The following DNAL1 variants were observed in gnomAD, a reference collection of about 807,000 sequenced individuals.
The protein encoded by DNAL1 is dynein axonemal light chain 1, also known as chromosome 14 open reading frame 168.
A neutral mutation model predicts 29.4 loss-of-function variants in DNAL1; 17 were observed. The ratio of observed to expected loss-of-function variants is 0.58; its 90% CI spans 0.40 to 0.87. The LOEUF (loss-of-function observed/expected upper bound fraction) is 0.87. DNAL1 is among the 40% of genes least tolerant of loss of function. DNAL1 has a pLI of 0.00. For synonymous variants in DNAL1, 78 were observed against 76.3 expected (o/e 1.02, Z -0.12); for missense variants, 188 against 214.1 (o/e 0.88, Z 0.76).
At chr14:73,673,291 G>C (rs544745411) in intron 5 of DNAL1, among the ~76,000 whole-genome samples, 11 of 152,244 alleles carry the variant, frequency 7.2e-5, no homozygotes, top group African/African-American at 2.6e-4. Flanking sequence ...AGAACTTTTA[G>C]TGTCAATATA....
intron 1 of DNAL1, chr14:73,653,112 A>T (rs1374922018): frequency 5.3e-5 from 8 of 152,198 alleles, no homozygotes; most frequent in Non-Finnish European, 1.0e-4. Flanking sequence ...CTTCTCAGTC[A>T]GGTCTGTTTA....
intron 1 of DNAL1, among the ~76,000 whole-genome samples, chr14:73,646,622 C>T (rs987905160): frequency 6.6e-6 from 1 of 152,048 alleles, no homozygotes; most frequent in Non-Finnish European, 1.5e-5. Context: ...ATTAGCGGGG[C>T]ATGGTGGCGA....
intron 1 of DNAL1, among the ~76,000 whole-genome samples, chr14:73,648,087 T>C (rs1401003437): frequency 2.0e-5 from 3 of 151,892 alleles, no homozygotes; most frequent in Non-Finnish European, 2.9e-5. Context: ...AAGTGATTCT[T>C]CTGCTTCAGC....
intron 5 of DNAL1, among the ~76,000 whole-genome samples, chr14:73,679,484 TAAAC>T (rs1181946140): frequency 3.3e-5 from 5 of 151,774 alleles, no homozygotes; most frequent in South Asian, 2.1e-4. Flanking sequence ...GATAATTGGA[TAAAC>T]AAACAAAAAA....
At chr14:73,665,403 TTAA>T (rs1401464809) in intron 4 of DNAL1, among the ~76,000 whole-genome samples, 2 of 152,228 alleles carry the variant, frequency 1.3e-5, no homozygotes, top group Non-Finnish European at 2.9e-5. Flanking sequence ...AGTAACTTGC[TTAA>T]TAACTTGCTC....
intron 7 of DNAL1, among the ~76,000 whole-genome samples, chr14:73,692,407 G>A (rs1194351377): frequency 1.3e-5 from 2 of 151,802 alleles, no homozygotes; most frequent in East Asian, 2.0e-4. Context: ...ACTTGAACCC[G>A]GGAGGCAGAG....
intron 1 of DNAL1, among the ~76,000 whole-genome samples, chr14:73,647,307 G>A (rs923896917): frequency 5.4e-5 from 8 of 149,002 alleles, no homozygotes; most frequent in African/African-American, 1.7e-4. Flanking sequence ...GGAGCTTGCA[G>A]TGAGCTGAGA....
chr14:73,691,742 G>C (rs1208987258), intron 7 of DNAL1, among the ~76,000 whole-genome samples: 1 of 151,462 alleles, frequency 6.6e-6, no homozygotes, highest in East Asian at 2.0e-4. Flanking sequence ...TGCCCAGGCT[G>C]GAATACAATG....
At chr14:73,672,470 T>G (rs941499112) in intron 5 of DNAL1, among the ~76,000 whole-genome samples, 3 of 151,312 alleles carry the variant, frequency 2.0e-5, no homozygotes, top group African/African-American at 7.3e-5. Context: ...TAGCTGGGTG[T>G]GGTGGCGGGC....
rs1892391408 is a variant in DNAL1 at position 73,699,948 on chromosome 14, T to G, written c.*4006T>G. Reference sequence around the variant, plus strand: ...ATAATCTTGTAGGAAAGTTAGCTGATGTAGACATCAATTTTGGATGTGATC... The same window carrying G: ...ATAATCTTGTAGGAAAGTTAGCTGAGGTAGACATCAATTTTGGATGTGATC... On this transcript the variant is annotated 3_prime_UTR_variant, in exon 8 of 8. Transcript: ENST00000553645. 6.6e-6 allele frequency: 1 copy of G among 152,270 alleles called. No homozygotes were observed. Among genetic ancestry groups the G allele is most frequent in the Non-Finnish European group, 1.5e-5 (1 of 68,044 alleles). The allele number at this position is 152,270 out of a possible 1,614,324, so 9.4% of individuals were successfully genotyped here.
At chr14:73,681,605 CAAAAAAAAAAAAAAAA>C (rs71112792) in intron 5 of DNAL1, among the ~76,000 whole-genome samples, 134 of 52,872 alleles carry the variant, frequency 2.5e-3, no homozygotes, top group Non-Finnish European at 3.1e-3. Context: ...CCATCTCTAC[CAAAAAAAAAAAAAAAA>C]AAAAAAAAAA....
intron 5 of DNAL1, among the ~76,000 whole-genome samples, chr14:73,681,014 G>C (rs1264488046): frequency 1.3e-5 from 2 of 152,202 alleles, no homozygotes; most frequent in Non-Finnish European, 2.9e-5. Flanking sequence ...AGGACTGCAA[G>C]TTTTTCTGGA....
rs1191599646 is a variant in DNAL1, at chr14:73,698,269, A to G, written c.*2327A>G. The G allele has an allele frequency of 2.0e-5, 3 of 152,214 alleles. No individual in the cohort carries two copies. Among genetic ancestry groups the G allele is most frequent in the Admixed American group, 1.3e-4 (2 of 15,272 alleles). 9.4% of individuals were successfully genotyped at this position (152,214 alleles called of 1,614,324 possible). A position where few individuals can be genotyped will look rare whatever the true frequency, so the allele number is the denominator to read the frequency against. On this transcript the variant is annotated 3_prime_UTR_variant, in exon 8 of 8. Transcript: ENST00000553645. ...GTATCATTCAACAAATCTTTGAATG[A>G]CTTCTATGCATCCCTGTTCATGGAA...
At chr14:73,681,092 TTTGTTG>T (rs145987029) in intron 5 of DNAL1, among the ~76,000 whole-genome samples, 1 of 151,436 alleles carries the variant, frequency 6.6e-6, no homozygotes, top group Non-Finnish European at 1.5e-5. Context: ...CTGTAGATTT[TTTGTTG>T]TTGTTGTTAT....
intron 5 of DNAL1, among the ~76,000 whole-genome samples, chr14:73,681,633 A>AATATATATATATATATAT (rs71112793): frequency 2.5e-3 from 90 of 35,300 alleles, no homozygotes; most frequent in African/African-American, 5.9e-3. Context: ...AAAAAAAAAA[A>AATATATATATATATATAT]ATATATATAT....
chr14:73,645,370 T>C (rs570086986), intron 1 of DNAL1, among the ~76,000 whole-genome samples: 14 of 151,774 alleles, frequency 9.2e-5, no homozygotes, highest in Non-Finnish European at 1.8e-4. Context: ...GATAAAGATA[T>C]CTCTTTACAT....
intron 5 of DNAL1, among the ~76,000 whole-genome samples, chr14:73,681,025 T>C (rs182686820): frequency 8.4e-4 from 128 of 152,310 alleles, no homozygotes; most frequent in Middle Eastern, 3.4e-3. Flanking sequence ...TTTTTCTGGA[T>C]GAGTCAGTGA....
In DNAL1 at chr14:73,696,076, T is replaced by C. The variant is rs1892293594; in HGVS notation, c.*134T>C. ...AGATAAAACAGATCACTCATTCTCA[T>C]CTTTTTTTTTCCTTTAACTTATTCA... On this transcript the variant is annotated 3_prime_UTR_variant, in exon 8 of 8. Coordinates refer to ENST00000553645, the MANE Select transcript of DNAL1 (RefSeq NM_031427.4). 1.2e-6 allele frequency: 1 copy of C among 819,610 alleles called. No individual in the cohort carries two copies. The highest frequency in any genetic ancestry group is 2.0e-5 in the South Asian group (1 of 50,400). The allele number at this position is 819,610 out of a possible 1,614,324, so 50.8% of individuals were successfully genotyped here.
Position 73,654,864 on chromosome 14 carries a change from CAAAG to C in DNAL1, c.24_27del (p.Glu9ProfsTer2), listed in dbSNP as rs1566880045. ...TTTTAAAGGCGAAAGCAACAACAATCAAAGAAGCCTTAGCGAGATGGGTGAGTAC... is the reference window on the plus strand; with the variant it reads ...TTTTAAAGGCGAAAGCAACAACAATCAAGCCTTAGCGAGATGGGTGAGTAC... On this transcript the variant is annotated frameshift_variant, in exon 2 of 8. Coordinates refer to ENST00000553645, the MANE Select transcript of DNAL1 (RefSeq NM_031427.4). LOFTEE classifies it high-confidence loss of function. 9.2e-6 allele frequency: 14 copies of C among 1,528,464 alleles called. No individual in the cohort carries two copies. Among genetic ancestry groups the C allele is most frequent in the Non-Finnish European group, 1.2e-5 (14 of 1,139,978 alleles). The allele number at this position is 1,528,464 out of a possible 1,614,324, so 94.7% of individuals were successfully genotyped here.
Sources: allele counts gnomAD v4.1 joint callset (sites outside exome capture counted in the v4.1 genomes callset), GRCh38; gene constraint gnomAD v4.1.1; transcripts MANE v1.5; gene names NCBI Gene and HGNC (gene_info 2026-07-23, HGNC 2026-07-21).